LMX1A: variants seen among roughly 807,000 people sequenced by gnomAD.
The protein encoded by LMX1A is LIM homeobox transcription factor 1 alpha, also known as LIM homeobox transcription factor 1-alpha.
Under a neutral mutation model 49.1 loss-of-function variants are expected in LMX1A, and 15 were observed. The ratio of observed to expected loss-of-function variants is 0.31; its 90% CI spans 0.20 to 0.47. LMX1A has a LOEUF of 0.47. Among genes scored for constraint, LMX1A ranks in the 20% least tolerant of loss-of-function variants. LMX1A has a pLI of 1.00. For synonymous variants in LMX1A, 167 were observed against 185.7 expected (o/e 0.90, Z 0.82); for missense variants, 372 against 475.8 (o/e 0.78, Z 2.03).
chr1:165,267,545 T>C lies in LMX1A; in HGVS notation c.264-17905A>G, dbSNP rs1403170626. Among the ~76,000 whole-genome samples, 9 of 152,180 alleles carry C rather than the reference T, an allele frequency of 5.9e-5. No individual in the cohort carries two copies. The East Asian group carries it at 1.2e-3, about 20-fold the overall frequency. ...CAATTCTTTCATCCTATACCTAGGA[T>C]GAAGTTTTAATGGAATCACTATCAC... On this transcript the variant is annotated intron_variant, in intron 3 of 8. Coordinates refer to ENST00000342310, the MANE Select transcript of LMX1A (RefSeq NM_177398.4).
chr1:165,238,949 C>T (rs73029210), intron 4 of LMX1A, among the ~76,000 whole-genome samples: 1,530 of 152,320 alleles, frequency 0.01, 37 homozygotes, highest in African/African-American at 0.035. Flanking sequence ...GAAATAATAA[C>T]ATTGCTTTCC....
rs1275914519 is a variant in LMX1A at position 165,202,974 on chromosome 1, C to T, written c.*906G>A. On this transcript the variant is annotated 3_prime_UTR_variant, in exon 9 of 9. Coordinates refer to ENST00000342310, the MANE Select transcript of LMX1A (RefSeq NM_177398.4). ...TGTTTCCCAGTGAGGTAGGTACATA[C>T]TATTAGCCTCATCCACATTTGCAGA... The T allele has an allele frequency of 5.9e-5, 9 of 152,682 alleles. No homozygotes were observed. Among genetic ancestry groups the T allele is most frequent in the African/African-American group, 2.2e-4 (9 of 41,462 alleles). The allele number at this position is 152,682 out of a possible 1,614,324, so 9.5% of individuals were successfully genotyped here. A position where few individuals can be genotyped will look rare whatever the true frequency, so the allele number is the denominator to read the frequency against.
rs573222978 is a variant in LMX1A, at chr1:165,248,863, G to T, written c.496+545C>A. 2.6e-5 allele frequency among the ~76,000 whole-genome samples: 4 copies of T among 152,304 alleles called. No homozygotes were observed. The South Asian group carries it at 8.3e-4, about 32-fold the overall frequency. Reference sequence around the variant, plus strand: ...TATATTTCTCCTCCTCTTGACTTTGGATTTGATATTGCCATTTGCTTTGGC... The same window carrying T: ...TATATTTCTCCTCCTCTTGACTTTGTATTTGATATTGCCATTTGCTTTGGC... On this transcript the variant is annotated intron_variant, in intron 4 of 8. Coordinates refer to ENST00000342310, the MANE Select transcript of LMX1A (RefSeq NM_177398.4).
In LMX1A at chr1:165,353,244, T is replaced by C. The variant is rs756993924; in HGVS notation, c.95A>G (p.Lys32Arg). The C allele has an allele frequency of 6.8e-6, 11 of 1,612,380 alleles. No homozygotes were observed. Among genetic ancestry groups the C allele is most frequent in the Non-Finnish European group, 4.2e-6 (5 of 1,179,994 alleles). ...CCGCTGACAGCCCTCGCAGACAGAC[T>C]TGGGGCTCACCGCTCTGCCTGTAGC... ...SSLLGRAVSP[K>R]SVCEGCQRVI... Residue 32 changes from lysine to arginine, a missense_variant, in exon 3 of 9, where the codon AAG (lysine) becomes AGG (arginine). Lys to Arg is a conservative substitution (Grantham distance 26). This residue lies in a region of LMX1A where 199 missense variants were observed against 244.0 expected (regional missense o/e 0.82). Coordinates refer to ENST00000342310, the MANE Select transcript of LMX1A (RefSeq NM_177398.4).
chr1:165,242,529 T>C (rs1182274536), intron 4 of LMX1A, among the ~76,000 whole-genome samples: 3 of 151,686 alleles, frequency 2.0e-5, no homozygotes, highest in Non-Finnish European at 4.4e-5. Context: ...AAGATATTGT[T>C]TGAGATAGCA....
At chr1:165,300,456 T>C (rs2101724091) in intron 3 of LMX1A, among the ~76,000 whole-genome samples, 1 of 152,324 alleles carries the variant, frequency 6.6e-6, no homozygotes, top group Non-Finnish European at 1.5e-5. Context: ...GTTAAGGGCT[T>C]TTCTTTCTCC....
intron 4 of LMX1A, among the ~76,000 whole-genome samples, chr1:165,242,519 A>G (rs1371184281): frequency 4.6e-5 from 7 of 152,060 alleles, no homozygotes; most frequent in Admixed American, 1.3e-4. Flanking sequence ...AAAGGAAATA[A>G]AGATATTGTT....
At chr1:165,256,435 A>G (rs1653244938) in intron 3 of LMX1A, among the ~76,000 whole-genome samples, 1 of 152,130 alleles carries the variant, frequency 6.6e-6, no homozygotes, top group Non-Finnish European at 1.5e-5. Flanking sequence ...TCTGTTTCCT[A>G]GGTCTCCACA....
chr1:165,265,203 CAAAAAAAAA>C (rs528674072), intron 3 of LMX1A, among the ~76,000 whole-genome samples: 1 of 121,424 alleles, frequency 8.2e-6, no homozygotes, highest in African/African-American at 3.0e-5. Context: ...GACTCTGTCT[CAAAAAAAAA>C]AAAAAAGAAA....
intron 4 of LMX1A, chr1:165,216,124 T>G (rs536513725): frequency 1.1e-4 from 16 of 152,334 alleles, no homozygotes; most frequent in Admixed American, 9.8e-4. Flanking sequence ...AGGTTGCTGT[T>G]TTCCAGGGGG....
intron 3 of LMX1A, among the ~76,000 whole-genome samples, chr1:165,287,547 G>A (rs1321333087): frequency 6.6e-6 from 1 of 152,052 alleles, no homozygotes; most frequent in Non-Finnish European, 1.5e-5. Flanking sequence ...TATTCATCTG[G>A]GAAGGGTGAA....
At chr1:165,339,001 G>A (rs1405847870) in intron 3 of LMX1A, among the ~76,000 whole-genome samples, 2 of 152,166 alleles carry the variant, frequency 1.3e-5, no homozygotes, top group African/African-American at 4.8e-5. Context: ...GGCTGTTTGT[G>A]AGCATGTTCC....
intron 3 of LMX1A, among the ~76,000 whole-genome samples, chr1:165,346,026 G>A (rs933531869): frequency 1.3e-5 from 2 of 152,162 alleles, no homozygotes; most frequent in South Asian, 2.1e-4. Flanking sequence ...TATAGGGGAG[G>A]GAGAAGGGGA....
intron 3 of LMX1A, among the ~76,000 whole-genome samples, chr1:165,297,769 C>T (rs1382465807): frequency 6.6e-6 from 1 of 152,190 alleles, no homozygotes; most frequent in Non-Finnish European, 1.5e-5. Flanking sequence ...GAGAAGAAGG[C>T]TCACTCTACT....
intron 3 of LMX1A, among the ~76,000 whole-genome samples, chr1:165,324,551 C>T (rs1655513784): frequency 6.6e-6 from 1 of 152,040 alleles, no homozygotes; most frequent in African/African-American, 2.4e-5. Context: ...TCCAGGAGGA[C>T]AAACGTAAAG....
chr1:165,209,683 C>T (rs1417675930), intron 6 of LMX1A, among the ~76,000 whole-genome samples: 1 of 152,192 alleles, frequency 6.6e-6, no homozygotes, highest in Non-Finnish European at 1.5e-5. Context: ...CATTTCTCGC[C>T]ATATGCATCA....
At chr1:165,259,518 A>T (rs1653360815) in intron 3 of LMX1A, among the ~76,000 whole-genome samples, 1 of 152,214 alleles carries the variant, frequency 6.6e-6, no homozygotes, top group Non-Finnish European at 1.5e-5. Flanking sequence ...CTTCTTACAG[A>T]GGCTGCTGAC....
chr1:165,218,342 G>C (rs1651715822), intron 4 of LMX1A: 1 of 152,248 alleles, frequency 6.6e-6, no homozygotes, highest in Admixed American at 6.5e-5. Context: ...GTGGAATTTT[G>C]GGCATCCTGG....
intron 3 of LMX1A, among the ~76,000 whole-genome samples, chr1:165,307,397 T>A (rs16842354): frequency 6.6e-6 from 1 of 152,114 alleles, no homozygotes; most frequent in Non-Finnish European, 1.5e-5. Context: ...ACAAGCATTC[T>A]GGATAGCCAA....
Sources: allele counts gnomAD v4.1 joint callset (sites outside exome capture counted in the v4.1 genomes callset), GRCh38; gene constraint gnomAD v4.1.1; regional missense constraint gnomAD v4.1.1; transcripts MANE v1.5; gene names NCBI Gene and HGNC (gene_info 2026-07-23, HGNC 2026-07-21).